Variants in TTLL11 observed in about 807,000 individuals in gnomAD.
The protein encoded by TTLL11 is tubulin polyglutamylase TTLL11.
In TTLL11, 42 loss-of-function variants were observed where a neutral mutation model predicts 51.7. The ratio of observed to expected loss-of-function variants is 0.81; its 90% CI spans 0.64 to 1.05. The LOEUF is 1.05. Among genes scored for constraint, TTLL11 ranks in the 50% least tolerant of loss-of-function variants. The pLI is 0.00. For missense variants in TTLL11, 799 were observed against 940.4 expected (o/e 0.85, Z 1.97); for synonymous variants, 381 against 383.5 (o/e 0.99, Z 0.08).
At chr9:121,854,168 G>A (rs1245275627) in intron 8 of TTLL11, among the ~76,000 whole-genome samples, 6 of 152,166 alleles carry the variant, frequency 3.9e-5, no homozygotes. Flanking sequence ...AGCCCAGTTT[G>A]TCTGATTCTG....
At chr9:121,971,455 GC>G (rs532321938) in intron 6 of TTLL11, among the ~76,000 whole-genome samples, 7 of 105,876 alleles carry the variant, frequency 6.6e-5, no homozygotes, top group African/African-American at 1.8e-4. Context: ...GGGGGGGTCA[GC>G]CCCCCCGCCC....
intron 1 of TTLL11, among the ~76,000 whole-genome samples, chr9:122,059,849 G>C (rs1473221119): frequency 1.3e-5 from 2 of 152,148 alleles, no homozygotes; most frequent in Non-Finnish European, 2.9e-5. Flanking sequence ...CTGGTTGTTG[G>C]TAGAATTCAT....
rs577148567 is a variant in TTLL11, at chr9:121,878,707, A to G, written c.1482-7959T>C. 6.6e-5 allele frequency among the ~76,000 whole-genome samples: 10 copies of G among 152,348 alleles called. No individual in the cohort carries two copies. The South Asian group carries it at 2.1e-3, about 32-fold the overall frequency. On this transcript the variant is annotated intron_variant, in intron 6 of 8. Transcript: ENST00000321582. ...TCATTTTACGGATGAAGGAGCTGACAGCTCATTTTACAAAGACCTCCCAAT... is the reference window on the plus strand; with the variant it reads ...TCATTTTACGGATGAAGGAGCTGACGGCTCATTTTACAAAGACCTCCCAAT...
At chr9:121,836,856 G>A (rs1431447908) in intron 8 of TTLL11, among the ~76,000 whole-genome samples, 1 of 152,212 alleles carries the variant, frequency 6.6e-6, no homozygotes, top group Admixed American at 6.5e-5. Context: ...CACAGGTAGT[G>A]GAAAGTGAAG....
At chr9:121,937,300 G>A (rs1291323341) in intron 6 of TTLL11, among the ~76,000 whole-genome samples, 1 of 152,196 alleles carries the variant, frequency 6.6e-6, no homozygotes, top group African/African-American at 2.4e-5. Context: ...ACAATCAGAT[G>A]TAGTCTATGA....
In TTLL11 at chr9:121,890,817, C is replaced by T. The variant is rs1236623344; in HGVS notation, c.1482-20069G>A. Among the ~76,000 whole-genome samples, 1 of 152,194 alleles carries T rather than the reference C, an allele frequency of 6.6e-6. No homozygotes were observed. Among genetic ancestry groups the T allele is most frequent in the Non-Finnish European group, 1.5e-5 (1 of 68,040 alleles). On this transcript the variant is annotated intron_variant, in intron 6 of 8. Transcript: ENST00000321582. This position sits in a 1 kb window ranked among gnomAD's most constrained non-coding sequence, Gnocchi z 4.3. ...GGTGCATGAATGCATGAATGACTGG[C>T]TCTTCTCTGCCTGCAGAGTGAAGTC...
intron 6 of TTLL11, among the ~76,000 whole-genome samples, chr9:121,961,883 C>T (rs1174210880): frequency 4.6e-5 from 7 of 152,056 alleles, no homozygotes; most frequent in Non-Finnish European, 1.0e-4. Context: ...TGGTGAAACC[C>T]CGTCTCTACT....
At chr9:122,053,741 A>G (rs1845223019) in intron 1 of TTLL11, among the ~76,000 whole-genome samples, 1 of 152,140 alleles carries the variant, frequency 6.6e-6, no homozygotes, top group African/African-American at 2.4e-5. Context: ...TCCGCGTGCA[A>G]GGACTGCTCT....
rs183567892 is a variant in TTLL11, at chr9:121,907,935, G to A, written c.1482-37187C>T. ...GTGACATGGCCAAGATAAAATCCTC[G>A]TTCTGCTGGACATTCATCTTGTAGC... On this transcript the variant is annotated intron_variant, in intron 6 of 8. Coordinates refer to ENST00000321582, the MANE Select transcript of TTLL11 (RefSeq NM_001139442.2). Among the ~76,000 whole-genome samples the A allele has an allele frequency of 3.6e-4, 55 of 152,284 alleles. No homozygotes were observed. In the Middle Eastern group the frequency reaches 0.014, roughly 38 times the overall value.
Position 122,080,745 on chromosome 9 carries a change from C to T in TTLL11, c.462+11942G>A, listed in dbSNP as rs1469044531. Among the ~76,000 whole-genome samples the T allele has an allele frequency of 5.1e-4, 78 of 151,984 alleles. 1 individual carries two copies. Among genetic ancestry groups the T allele is most frequent in the Non-Finnish European group, 2.9e-5 (2 of 68,022 alleles). ...GAACATGAAATATAGGAAGGAAGCACATTCCTGAATAATTTTTAATAGAGG... is the reference window on the plus strand; with the variant it reads ...GAACATGAAATATAGGAAGGAAGCATATTCCTGAATAATTTTTAATAGAGG... On this transcript the variant is annotated intron_variant, in intron 1 of 8. Transcript: ENST00000321582.
intron 4 of TTLL11, among the ~76,000 whole-genome samples, chr9:121,985,134 AT>A: frequency 6.6e-6 from 1 of 152,314 alleles, no homozygotes; most frequent in Non-Finnish European, 1.5e-5. Context: ...GATAAATGTA[AT>A]TTCTTTGGCT....
chr9:122,002,809 G>C (rs1203227245), intron 3 of TTLL11, among the ~76,000 whole-genome samples: 10 of 151,972 alleles, frequency 6.6e-5, no homozygotes, highest in Non-Finnish European at 1.3e-4. Context: ...AGCTGGGCGT[G>C]GTGGCGCATG....
intron 1 of TTLL11, among the ~76,000 whole-genome samples, chr9:122,083,231 A>C (rs1846043248): frequency 6.6e-6 from 1 of 152,040 alleles, no homozygotes; most frequent in Non-Finnish European, 1.5e-5. Flanking sequence ...AGCGAATCAA[A>C]TCTGAGCTGA....
chr9:122,032,797 C>CT (rs11371856), intron 2 of TTLL11, among the ~76,000 whole-genome samples: 13,051 of 138,532 alleles, frequency 0.094, 815 homozygotes, highest in African/African-American at 0.16. Flanking sequence ...TTCATTTTTT[C>CT]TTTTTTTTTT....
At chr9:121,908,553 G>T (rs1479301878) in intron 6 of TTLL11, among the ~76,000 whole-genome samples, 1 of 152,174 alleles carries the variant, frequency 6.6e-6, no homozygotes, top group Non-Finnish European at 1.5e-5. Context: ...CCCTGCGCTG[G>T]GAATTCATAA....
chr9:121,891,662 C>T (rs913101539), intron 6 of TTLL11, among the ~76,000 whole-genome samples: 3 of 152,152 alleles, frequency 2.0e-5, no homozygotes, highest in Non-Finnish European at 2.9e-5. Flanking sequence ...CATCGTGTCA[C>T]GGAACTGAGA....
chr9:121,922,197 G>A (rs1238787360), intron 6 of TTLL11, among the ~76,000 whole-genome samples: 5 of 152,244 alleles, frequency 3.3e-5, no homozygotes, highest in South Asian at 2.1e-4. Context: ...TAATCCCTAG[G>A]AAACTTCTTT....
At chr9:121,934,005 G>A (rs1210320808) in intron 6 of TTLL11, among the ~76,000 whole-genome samples, 4 of 152,230 alleles carry the variant, frequency 2.6e-5, no homozygotes, top group South Asian at 2.1e-4. Flanking sequence ...CGAGACTGGC[G>A]GATCACCTGA....
At chr9:122,021,393 C>G (rs1844177026) in intron 3 of TTLL11, among the ~76,000 whole-genome samples, 1 of 152,114 alleles carries the variant, frequency 6.6e-6, no homozygotes, top group Non-Finnish European at 1.5e-5. Flanking sequence ...GAGCGTCTTC[C>G]TTAAATGTTT....
Sources: gnomAD v4.1 joint callset for allele counts (sites outside exome capture counted in the v4.1 genomes callset) on GRCh38, gnomAD v4.1.1 for gene constraint, Gnocchi (gnomAD v3.1) non-coding constraint, MANE v1.5 for transcripts, NCBI Gene and HGNC (gene_info 2026-07-23, HGNC 2026-07-21) for gene names.